The following SCEL variants were observed in gnomAD, a reference collection of about 807,000 sequenced individuals.
The protein encoded by SCEL is sciellin.
A neutral mutation model predicts 117.6 loss-of-function variants in SCEL; 113 were observed. The ratio of observed to expected loss-of-function variants is 0.96; its 90% CI spans 0.83 to 1.12. The LOEUF is 1.12. SCEL is among the 50% of genes most tolerant of loss of function. The pLI is 0.00. For missense variants in SCEL, 785 were observed against 810.8 expected, an observed-to-expected ratio of 0.97 and a Z score of 0.39; for synonymous variants, 270 against 256.2, an observed-to-expected ratio of 1.05 and a Z score of -0.51.
At chr13:77,609,192 C>A in intron 21 of SCEL, 75 bp downstream of exon 21, 1 of 1,076,104 alleles carries the variant, frequency 9.3e-7, no homozygotes, top group Non-Finnish European at 1.3e-6. Context: ...ATCATTTCAG[C>A]TGACTGATGC....
In SCEL at chr13:77,617,984, T is replaced by TC. The variant is rs2089181242; in HGVS notation, c.1572-19dup. 1 of 1,608,582 alleles carries TC rather than the reference T, an allele frequency of 6.2e-7. No homozygotes were observed. The highest frequency in any genetic ancestry group is 1.1e-5 in the South Asian group (1 of 90,920). On this transcript the variant is annotated intron_variant, in intron 26 of 32. Coordinates refer to ENST00000349847, the MANE Select transcript of SCEL (RefSeq NM_144777.3). ...AATCTATTACCAATCTGAACTTTTT[T>TC]CTCTCTCTCTTTTAAACAGCCAAGA... is the stretch of plus-strand genomic sequence containing the variant.
At chr13:77,638,193 C>T (rs1157785513) in intron 30 of SCEL, among the ~76,000 whole-genome samples, 1 of 152,114 alleles carries the variant, frequency 6.6e-6, no homozygotes, top group Non-Finnish European at 1.5e-5. Context: ...AACCTATGTT[C>T]CATTTTCTAA....
At chr13:77,610,687 A>G (rs1446295046) in intron 22 of SCEL, among the ~76,000 whole-genome samples, 3 of 152,072 alleles carry the variant, frequency 2.0e-5, no homozygotes, top group Non-Finnish European at 4.4e-5. Flanking sequence ...GAGACAAAAC[A>G]TCACCCCAAA....
At chr13:77,602,959 A>T in intron 17 of SCEL, 117 bp from the exon 18 acceptor site, 2 of 656,858 alleles carry the variant, frequency 3.0e-6, no homozygotes, top group African/African-American at 1.8e-5. Flanking sequence ...AAGCCAATTT[A>T]ATGTCAGTAT....
intron 9 of SCEL, among the ~76,000 whole-genome samples, chr13:77,587,614 A>T (rs1418669728): frequency 2.6e-5 from 4 of 152,074 alleles, no homozygotes; most frequent in Non-Finnish European, 4.4e-5. Context: ...AAACCATGGT[A>T]ATTTCCCAGT....
At chr13:77,564,604 T>C (rs771964557) in intron 5 of SCEL, among the ~76,000 whole-genome samples, 4 of 152,204 alleles carry the variant, frequency 2.6e-5, no homozygotes, top group Non-Finnish European at 4.4e-5. Flanking sequence ...GCATCTTTAA[T>C]AGGAGTCTTT....
chr13:77,581,730 TTGC>T (rs1447697458), intron 9 of SCEL, among the ~76,000 whole-genome samples: 1 of 152,340 alleles, frequency 6.6e-6, no homozygotes, highest in Non-Finnish European at 1.5e-5. Context: ...TCTCCTAGTA[TTGC>T]TGGAAGTTCT....
chr13:77,608,321 C>A (rs112527826), intron 20 of SCEL, among the ~76,000 whole-genome samples: 1 of 152,144 alleles, frequency 6.6e-6, no homozygotes, highest in Admixed American at 6.6e-5. Flanking sequence ...TTTGTTTGGC[C>A]GGGTACGGTG....
intron 5 of SCEL, among the ~76,000 whole-genome samples, chr13:77,566,273 A>G (rs2085282784): frequency 6.6e-6 from 1 of 152,206 alleles, no homozygotes; most frequent in South Asian, 2.1e-4. Flanking sequence ...TGTTACCAAG[A>G]GAAAGCCATG....
intron 9 of SCEL, among the ~76,000 whole-genome samples, chr13:77,585,196 A>T (rs946360875): frequency 7.9e-5 from 12 of 152,332 alleles, no homozygotes; most frequent in African/African-American, 2.4e-4. Context: ...AGGAACTTTC[A>T]GTTCAGTGTG....
At chr13:77,637,280 G>GCA (rs1212301243) in intron 30 of SCEL, 86 bp downstream of exon 30, 1 of 263,908 alleles carries the variant, frequency 3.8e-6, no homozygotes, top group Non-Finnish European at 6.7e-6. Context: ...ACACACACAG[G>GCA]CACACACACA....
intron 32 of SCEL, among the ~76,000 whole-genome samples, chr13:77,643,081 A>G (rs970756304): frequency 4.6e-5 from 7 of 152,126 alleles, no homozygotes; most frequent in Non-Finnish European, 1.0e-4. Flanking sequence ...TCCAAACAAG[A>G]AAGTTATTGT....
At chr13:77,638,933 G>A (rs7982840) in intron 30 of SCEL, among the ~76,000 whole-genome samples, 135,284 of 152,074 alleles carry the variant, frequency 0.89, 60,457 homozygotes, top group South Asian at 0.97. Flanking sequence ...CAATGCAGAT[G>A]GCACTTTTTT....
At chr13:77,611,470 A>G (rs1218841944) in intron 22 of SCEL, among the ~76,000 whole-genome samples, 1 of 152,184 alleles carries the variant, frequency 6.6e-6, no homozygotes, top group Non-Finnish European at 1.5e-5. Flanking sequence ...GTCAGACACT[A>G]AATCCAGAGA....
At chr13:77,567,035 T>G (rs994142163) in intron 5 of SCEL, among the ~76,000 whole-genome samples, 3 of 152,212 alleles carry the variant, frequency 2.0e-5, no homozygotes, top group African/African-American at 7.2e-5. Context: ...AAGTAGTTCA[T>G]TGATGCCTTT....
chr13:77,564,981 G>C (rs1016345537), intron 5 of SCEL, among the ~76,000 whole-genome samples: 1 of 152,144 alleles, frequency 6.6e-6, no homozygotes, highest in African/African-American at 2.4e-5. Flanking sequence ...TAGAGAAGAG[G>C]TATATAAAAT....
chr13:77,580,284 G>T (rs2086193693), intron 9 of SCEL, among the ~76,000 whole-genome samples: 1 of 152,160 alleles, frequency 6.6e-6, no homozygotes, highest in African/African-American at 2.4e-5. Context: ...TTTATGATCT[G>T]CCCGAAAGCC....
chr13:77,565,123 A>G (rs1461927090), intron 5 of SCEL, among the ~76,000 whole-genome samples: 1 of 152,232 alleles, frequency 6.6e-6, no homozygotes, highest in Non-Finnish European at 1.5e-5. Context: ...TAGGCTGTGC[A>G]TCTGAACGTT....
chr13:77,593,018 T>C (rs1043224347), intron 11 of SCEL, among the ~76,000 whole-genome samples: 2 of 152,088 alleles, frequency 1.3e-5, no homozygotes, highest in African/African-American at 4.8e-5. Context: ...TTCACCCCTT[T>C]AGGGTGAAAA....
Sources: gnomAD v4.1 joint callset for allele counts (sites outside exome capture counted in the v4.1 genomes callset) on GRCh38, gnomAD v4.1.1 for gene constraint, MANE v1.5 for transcripts, NCBI Gene and HGNC (gene_info 2026-07-23, HGNC 2026-07-21) for gene names.